Variants in AMN observed in about 807,000 individuals in gnomAD.
AMN encodes amnion associated transmembrane protein.
In AMN, 40 loss-of-function variants were observed where a neutral mutation model predicts 49.1. The ratio of observed to expected loss-of-function variants is 0.81; its 90% confidence interval spans 0.63 to 1.06. The LOEUF is 1.06. Ranked by LOEUF, AMN falls within the 50% of genes least tolerant of loss-of-function variation. AMN has a pLI of 0.00. For missense variants in AMN, 701 were observed against 662.8 expected (o/e 1.06, Z -0.63); for synonymous variants, 380 against 313.3 (o/e 1.21, Z -2.25).
intron 1 of AMN, chr14:102,923,311 C>T (rs776421620): frequency 8.9e-5 from 28 of 314,508 alleles, no homozygotes; most frequent in Non-Finnish European, 1.5e-4. Flanking sequence ...CCAGGTAGGA[C>T]TCCTCCGGGA....
chr14:102,923,712 A>G lies in AMN; in HGVS notation c.45A>G (p.Ala15=). 6.2e-7 allele frequency: 1 copy of G among 1,612,448 alleles called. No homozygotes were observed. The highest frequency in any genetic ancestry group is 8.5e-7 in the Non-Finnish European group (1 of 1,179,568). ...GGCACTCAGTCGCCTCCTCCCCAGC[A>G]CTGACCCAGGCGGTCTCCAAACTCT... ...GRVLLWLQLC[A]LTQAVSKLWV... Residue 15 remains alanine (A), a splice_region_variant and synonymous_variant, in exon 2 of 12, where the codon GCA becomes GCG. Transcript: ENST00000299155.
chr14:102,925,884 C>G (rs546807037), intron 3 of AMN, among the ~76,000 whole-genome samples: 6 of 152,188 alleles, frequency 3.9e-5, no homozygotes, highest in Non-Finnish European at 8.8e-5. Flanking sequence ...ACACCCCTGG[C>G]TCCCAGCTTC....
intron 3 of AMN, among the ~76,000 whole-genome samples, chr14:102,924,752 A>G (rs1891149363): frequency 6.6e-6 from 1 of 152,206 alleles, no homozygotes. Flanking sequence ...TGCAGCCTGC[A>G]CTTTCCTGGA....
intron 3 of AMN, among the ~76,000 whole-genome samples, chr14:102,927,662 C>T (rs1891217523): frequency 6.6e-6 from 1 of 152,212 alleles, no homozygotes; most frequent in South Asian, 2.1e-4. Context: ...CCCCTCACAA[C>T]CTGGCAGCAA....
At position 102,924,837 on chromosome 14, in the gene AMN, G is replaced by A. The variant is rs1047237377; in HGVS notation, c.207+858G>A. ...ATTTCCTTGTTTAAGGTGGAGTTCC[G>A]CAAGCTACAGGCCAAATGCAGCCCC... On this transcript the variant is annotated intron_variant, in intron 3 of 11. Transcript: ENST00000299155. 7.2e-5 allele frequency among the ~76,000 whole-genome samples: 11 copies of A among 152,310 alleles called. No homozygotes were observed. In the East Asian group the frequency reaches 7.7e-4, roughly 11 times the overall value.
In AMN at chr14:102,928,954, C is replaced by G. The variant is rs1388154450; in HGVS notation, c.492C>G (p.Arg164=). The G allele has an allele frequency of 5.6e-6, 9 of 1,599,504 alleles. No individual in the cohort carries two copies. The highest frequency in any genetic ancestry group is 1.6e-4 in the Middle Eastern group (1 of 6,076). The part of the protein sequence containing the change: ...LGPGASPVRV[R]SISALGRTFT... The stretch of plus-strand genomic sequence containing the variant: ...CTGGCGCTAGCCCCGTGCGTGTCCG[C>G]AGCATCTCGGCTCTGGGCCGGGTGA... The change falls in exon 5 of 12, where the codon CGC becomes CGG. Residue 164 remains arginine (R), a synonymous_variant. Transcript: ENST00000299155.
At chr14:102,925,720 A>G (rs1028433101) in intron 3 of AMN, among the ~76,000 whole-genome samples, 3 of 152,114 alleles carry the variant, frequency 2.0e-5, no homozygotes. Context: ...TCATTCATCT[A>G]TTCAATAATT....
intron 3 of AMN, 31 bp from the exon 4 acceptor site, chr14:102,928,395 G>A (rs569370837): frequency 8.3e-6 from 13 of 1,557,942 alleles, no homozygotes; most frequent in Non-Finnish European, 8.7e-6. Flanking sequence ...GGACCCCCGC[G>A]TGGCGCCGCC....
Position 102,930,324 on chromosome 14 carries a change from TC to T in AMN, c.1167del (p.Arg390GlyfsTer24). The T allele has an allele frequency of 7.2e-7, 1 of 1,390,932 alleles. No individual in the cohort carries two copies. Among genetic ancestry groups the T allele is most frequent in the South Asian group, 1.6e-5 (1 of 61,860 alleles). 86.2% of individuals were successfully genotyped at this position (1,390,932 alleles called of 1,614,324 possible). A position where few individuals can be genotyped will look rare whatever the true frequency, so the allele number is the denominator to read the frequency against. On this transcript the variant is annotated frameshift_variant and splice_region_variant, in exon 10 of 12. Coordinates refer to ENST00000299155, the MANE Select transcript of AMN (RefSeq NM_030943.4). LOFTEE classifies it high-confidence loss of function. Reference sequence around the variant, plus strand: ...CCGCTGCTGCGCCGCGCGGGGAGGCTCAGGTACGCGGGGCGGGGGCGCGGAG... The same window carrying T: ...CCGCTGCTGCGCCGCGCGGGGAGGCTAGGTACGCGGGGCGGGGGCGCGGAG... The part of the protein sequence containing the change: ...APPLLRRAGR[L>X]RWRRHEAAAP...
intron 6 of AMN, 50 bp downstream of exon 6, chr14:102,929,308 G>C: frequency 1.4e-6 from 2 of 1,451,220 alleles, no homozygotes; most frequent in Non-Finnish European, 1.8e-6. Context: ...GGTCGGGACT[G>C]TGCCCGGGAC....
chr14:102,922,828 A>G, intron 1 of AMN, 97 bp downstream of exon 1: 1 of 1,473,460 alleles, frequency 6.8e-7, no homozygotes, highest in Non-Finnish European at 9.1e-7. Flanking sequence ...AGATCTTCCG[A>G]GGAGTGGGCA....
intron 3 of AMN, among the ~76,000 whole-genome samples, chr14:102,927,166 T>G (rs1486109569): frequency 6.6e-6 from 1 of 152,182 alleles, no homozygotes; most frequent in Non-Finnish European, 1.5e-5. Flanking sequence ...AGTGTTGGGA[T>G]TACAGGCATG....
At chr14:102,922,774 C>T in intron 1 of AMN, 43 bp downstream of exon 1, 1 of 1,556,524 alleles carries the variant, frequency 6.4e-7, no homozygotes, top group Non-Finnish European at 8.7e-7. Flanking sequence ...CGGTAGCGGT[C>T]TGTCAGGACC....
rs569571199 is a variant in AMN at position 102,927,534 on chromosome 14, C to T, written c.208-892C>T. ...GCAGTGCCACACCCTCAGGTGTGCACGGAACTGAAGTGTGACCTCACGTCG... is the reference window on the plus strand; with the variant it reads ...GCAGTGCCACACCCTCAGGTGTGCATGGAACTGAAGTGTGACCTCACGTCG... On this transcript the variant is annotated intron_variant, in intron 3 of 11. Coordinates refer to ENST00000299155, the MANE Select transcript of AMN (RefSeq NM_030943.4). 8.7e-4 allele frequency among the ~76,000 whole-genome samples: 132 copies of T among 152,318 alleles called. 1 individual carries two copies. The highest frequency in any genetic ancestry group is 1.8e-3 in the Non-Finnish European group (120 of 68,016).
intron 5 of AMN, 28 bp from the exon 6 acceptor site, chr14:102,929,093 G>A (rs775026504): frequency 1.9e-6 from 3 of 1,597,648 alleles, no homozygotes; most frequent in Non-Finnish European, 2.5e-6. Flanking sequence ...CCTCGGGCTG[G>A]CTCCGGTGGG....
intron 7 of AMN, 38 bp from the exon 8 acceptor site, chr14:102,929,617 C>G (rs1435354012): frequency 1.9e-6 from 3 of 1,547,878 alleles, no homozygotes; most frequent in African/African-American, 2.7e-5. Flanking sequence ...CCTGCCGGGC[C>G]CGGATCCACG....
rs1167923374 is a variant in AMN at position 102,928,837 on chromosome 14, T to C, written c.375T>C (p.Pro125=). Residue 125 remains proline (P), a synonymous_variant, in exon 5 of 12, where the codon CCT becomes CCC. Transcript: ENST00000299155. ...TGTGGCGCTCTGGGGACGAGGCACC[T>C]GGCCTCTTCTTCGTGGACGCCGAGC... ...PHLWRSGDEA[P]GLFFVDAERV... 2.5e-6 allele frequency: 4 copies of C among 1,606,224 alleles called. No individual in the cohort carries two copies. The highest frequency in any genetic ancestry group is 2.2e-5 in the East Asian group (1 of 44,890).
Position 102,930,419 on chromosome 14 carries a change from G to A in AMN, c.1183G>A (p.Glu395Lys), listed in dbSNP as rs534440441. The A allele has an allele frequency of 5.3e-6, 8 of 1,520,106 alleles. No individual in the cohort carries two copies. The African/African-American group carries it at 1.1e-4, about 21-fold the overall frequency. 94.2% of individuals were successfully genotyped at this position (1,520,106 alleles called of 1,614,324 possible). ...RAGRLRWRRH[E>K]AAAPAGAPLG... ...CTACGCCCTCAGGTGGAGGAGGCAC[G>A]AGGCGGCGGCCCCGGCTGGAGCGCC... The change falls in exon 11 of 12, where the codon GAG becomes AAG. Residue 395 changes from glutamate to lysine, a missense_variant. By Grantham distance (56) the Glu-to-Lys change is moderately conservative (BLOSUM62 1). Transcript: ENST00000299155.
At position 102,930,079 on chromosome 14, in the gene AMN, C is replaced by T. The variant is rs1468605826; in HGVS notation, c.999C>T (p.Ala333=). The T allele has an allele frequency of 1.9e-6, 3 of 1,540,400 alleles. No homozygotes were observed. Among genetic ancestry groups the T allele is most frequent in the Non-Finnish European group, 2.6e-6 (3 of 1,144,988 alleles). The stretch of plus-strand genomic sequence containing the variant: ...CCCGGGCCCTCCTGGCGGACGTCGC[C>T]GAGAACGGTAACCGCGCCCGCCCCA... The part of the protein sequence containing the change: ...RLARALLADV[A]ENGEALGVLE... Residue 333 remains alanine, a synonymous_variant, in exon 9 of 12, where the codon GCC becomes GCT. Coordinates refer to ENST00000299155, the MANE Select transcript of AMN (RefSeq NM_030943.4).
Sources: gnomAD v4.1 joint callset for allele counts (sites outside exome capture counted in the v4.1 genomes callset) on GRCh38, gnomAD v4.1.1 for gene constraint, MANE v1.5 for transcripts, NCBI Gene and HGNC (gene_info 2026-07-23, HGNC 2026-07-21) for gene names.